Variants in AHRR observed in about 807,000 individuals in gnomAD.
AHRR encodes ahR repressor.
Under a neutral mutation model 44.0 loss-of-function variants are expected in AHRR, and 28 were observed. That is an observed-to-expected ratio of 0.64 (90% CI 0.47 to 0.87). AHRR has a LOEUF of 0.87. Among genes scored for constraint, AHRR ranks in the 40% least tolerant of loss-of-function variants. The pLI, the probability that AHRR is intolerant of heterozygous loss-of-function variation, is 0.00. For missense variants in AHRR, 990 were observed against 953.9 expected (o/e 1.04, Z -0.50); for synonymous variants, 434 against 407.0 (o/e 1.07, Z -0.80).
At chr5:433,144 G>T (rs908283157) in intron 10 of AHRR, among the ~76,000 whole-genome samples, 197 bp downstream of exon 10, 4 of 152,206 alleles carry the variant, frequency 2.6e-5, no homozygotes, top group African/African-American at 4.8e-5. Flanking sequence ...CACGTGTGTC[G>T]CTGGGGACTG....
At chr5:368,690 G>A (rs931920603) in intron 3 of AHRR, among the ~76,000 whole-genome samples, 6 of 152,204 alleles carry the variant, frequency 3.9e-5, no homozygotes, top group South Asian at 2.1e-4. Context: ...CAGGACGAGC[G>A]TGTGACTCTG....
intron 2 of AHRR, among the ~76,000 whole-genome samples, chr5:345,312 ATG>A (rs1232249694): frequency 0.1 from 1,410 of 13,870 alleles, 118 homozygotes; most frequent in Non-Finnish European, 0.13. Context: ...GTGTGTGGGG[ATG>A]TGTGTGTGTG....
At chr5:334,310 A>G (rs1742042645) in intron 1 of AHRR, among the ~76,000 whole-genome samples, 2 of 152,072 alleles carry the variant, frequency 1.3e-5, no homozygotes, top group African/African-American at 4.8e-5. Context: ...AGGTTTTCTA[A>G]GCCTCTCAAT....
chr5:387,948 T>TTTTGA lies in AHRR; in HGVS notation c.351+11232_351+11233insTTTGA, dbSNP rs1406303764. Among the ~76,000 whole-genome samples the TTTTGA allele has an allele frequency of 5.6e-4, 86 of 152,252 alleles. No homozygotes were observed. The highest frequency in any genetic ancestry group is 1.5e-3 in the Admixed American group (23 of 15,298). On this transcript the variant is annotated intron_variant, in intron 4 of 10. Transcript: ENST00000684583. The surrounding 1 kb of genome is among the most constrained non-coding windows in gnomAD (Gnocchi z 5.1). ...TGGGGAGAGTGTACTCCACACCCCC[T>TTTTGA]CGCTTCTGGAATGTTCTTCTTGTGA...
intron 5 of AHRR, among the ~76,000 whole-genome samples, chr5:416,516 T>C (rs1735820505): frequency 6.6e-6 from 1 of 152,228 alleles, no homozygotes; most frequent in Non-Finnish European, 1.5e-5. Flanking sequence ...TGGGGCACTG[T>C]CATCTCCTGA....
intron 1 of AHRR, chr5:343,648 G>C: frequency 2.0e-6 from 1 of 487,972 alleles, no homozygotes; most frequent in South Asian, 2.7e-5. Flanking sequence ...TCTGGGGGAG[G>C]CCGGGACCCG....
chr5:394,093 A>T (rs1038520725), intron 4 of AHRR, among the ~76,000 whole-genome samples: 2 of 152,106 alleles, frequency 1.3e-5, no homozygotes, highest in South Asian at 2.1e-4. Flanking sequence ...ACCTGCTGTT[A>T]TCCAGGCAGG....
intron 4 of AHRR, among the ~76,000 whole-genome samples, chr5:377,759 C>T (rs578255553): frequency 1.1e-4 from 16 of 152,332 alleles, no homozygotes; most frequent in African/African-American, 3.8e-4. Context: ...CTGGAGCCTG[C>T]GGGAGGGAGG....
chr5:421,609 G>T (rs768208243), intron 5 of AHRR, among the ~76,000 whole-genome samples: 1 of 152,190 alleles, frequency 6.6e-6, no homozygotes, highest in African/African-American at 2.4e-5. Context: ...TGCACCGCGG[G>T]GATGCTGGCG....
Position 434,492 on chromosome 5 carries a change from C to T in AHRR, c.1752C>T (p.Ile584=), listed in dbSNP as rs1736902212. 1 of 1,613,306 alleles carries T rather than the reference C, an allele frequency of 6.2e-7. No individual in the cohort carries two copies. Among genetic ancestry groups the T allele is most frequent in the Non-Finnish European group, 8.5e-7 (1 of 1,179,992 alleles). ...TEPDSRQQVY[I]SHLGHGVRGA... ...CAGACTCTCGGCAACAGGTGTACAT[C>T]TCGCACCTGGGGCACGGCGTGCGGG... is the stretch of plus-strand genomic sequence containing the variant. The change falls in exon 11 of 11, where the codon ATC becomes ATT. Residue 584 remains isoleucine, a synonymous_variant. Transcript: ENST00000684583.
chr5:410,542 C>T, intron 4 of AHRR, among the ~76,000 whole-genome samples: 1 of 85,976 alleles, frequency 1.2e-5, no homozygotes, highest in East Asian at 2.4e-4. Context: ...TTGTCGCTTT[C>T]TATAAAAAGA....
chr5:354,133 C>T (rs931227521), intron 3 of AHRR, among the ~76,000 whole-genome samples: 1 of 152,206 alleles, frequency 6.6e-6, no homozygotes, highest in Non-Finnish European at 1.5e-5. Flanking sequence ...TAGCTGTCCT[C>T]GACACTCTCA....
At chr5:410,035 T>C (rs1212288791) in intron 4 of AHRR, among the ~76,000 whole-genome samples, 1 of 152,234 alleles carries the variant, frequency 6.6e-6, no homozygotes, top group Non-Finnish European at 1.5e-5. Flanking sequence ...TCCCCACTGA[T>C]TGACCTAGTG....
At chr5:351,034 A>G (rs139772692) in intron 2 of AHRR, among the ~76,000 whole-genome samples, 2 of 151,932 alleles carry the variant, frequency 1.3e-5, no homozygotes, top group East Asian at 3.9e-4. Context: ...AGAAAAATGC[A>G]AATCAAAACC....
In AHRR at chr5:388,638, T is replaced by C. The variant is rs1734269682; in HGVS notation, c.351+11922T>C. Among the ~76,000 whole-genome samples, 1 of 152,046 alleles carries C rather than the reference T, an allele frequency of 6.6e-6. No individual in the cohort carries two copies. The highest frequency in any genetic ancestry group is 1.5e-5 in the Non-Finnish European group (1 of 67,982). On this transcript the variant is annotated intron_variant, in intron 4 of 10. Coordinates refer to ENST00000684583, the MANE Select transcript of AHRR (RefSeq NM_001377236.1). The surrounding 1 kb of genome is among the most constrained non-coding windows in gnomAD (Gnocchi z 5.2). ...CCGAGCCGACTGGAGGGGCACAGCC[T>C]GGCATGGGGCTTGGTGACATGAGGA...
chr5:408,455 C>A (rs1735356559), intron 4 of AHRR, among the ~76,000 whole-genome samples: 1 of 151,730 alleles, frequency 6.6e-6, no homozygotes, highest in African/African-American at 2.4e-5. Flanking sequence ...AATCATTTTC[C>A]CCCTCAGATC....
In AHRR at chr5:353,715, AC is replaced by A. The variant is rs778709661; in HGVS notation, c.63-13del. ...TGGTGGAGAAGCCCACCTGACCCAG[AC>A]CATCTCCCCACAGGAGGCCCGCCGT... On this transcript the variant is annotated splice_polypyrimidine_tract_variant and intron_variant, in intron 2 of 10. Coordinates refer to ENST00000684583, the MANE Select transcript of AHRR (RefSeq NM_001377236.1). 7 of 1,598,498 alleles carry A rather than the reference AC, an allele frequency of 4.4e-6. No individual in the cohort carries two copies. The East Asian group carries it at 1.6e-4, about 36-fold the overall frequency.
At chr5:430,224 C>T (rs1207845778) in intron 8 of AHRR, among the ~76,000 whole-genome samples, 1 of 152,252 alleles carries the variant, frequency 6.6e-6, no homozygotes, top group Non-Finnish European at 1.5e-5. Flanking sequence ...CTTGACTGAC[C>T]TTGTCAGAGT....
In AHRR at chr5:403,695, T is replaced by TTTA. The variant is rs1553986319; in HGVS notation, c.352-9649_352-9648insTTA. On this transcript the variant is annotated intron_variant, in intron 4 of 10. Transcript: ENST00000684583. ...AGTTAAAATGGTATTTTTTTTTTTT[T>TTTA]ACTTTCTCTCAGAGGCATATTTTTC... is the stretch of plus-strand genomic sequence containing the variant. The TTTA allele has an allele frequency of 4.9e-4, 389 of 793,776 alleles. No individual in the cohort carries two copies. The African/African-American group carries it at 6.3e-3, about 13-fold the overall frequency. The allele number at this position is 793,776 out of a possible 1,614,324, so 49.2% of individuals were successfully genotyped here. A position where few individuals can be genotyped will look rare whatever the true frequency, so the allele number is the denominator to read the frequency against.
Sources: allele counts gnomAD v4.1 joint callset (sites outside exome capture counted in the v4.1 genomes callset), GRCh38; gene constraint gnomAD v4.1.1; non-coding constraint Gnocchi (gnomAD v3.1); transcripts MANE v1.5; gene names NCBI Gene and HGNC (gene_info 2026-07-23, HGNC 2026-07-21).